The following DARS1 variants were observed in gnomAD, a reference collection of about 807,000 sequenced individuals.
DARS1 encodes aspartyl-tRNA synthetase 1.
Under a neutral mutation model 68.8 loss-of-function variants are expected in DARS1, and 51 were observed. The ratio of observed to expected loss-of-function variants is 0.74; its 90% CI spans 0.59 to 0.94. The LOEUF is 0.94. Ranked by LOEUF, DARS1 falls within the 40% of genes least tolerant of loss-of-function variation. DARS1 has a pLI of 0.00. For missense variants in DARS1, 607 were observed against 597.3 expected, an observed-to-expected ratio of 1.02 and a Z score of -0.17; for synonymous variants, 203 against 190.4, an observed-to-expected ratio of 1.07 and a Z score of -0.55.
chr2:135,975,753 CAA>C (rs1170740469), intron 3 of DARS1, among the ~76,000 whole-genome samples: 25 of 71,670 alleles, frequency 3.5e-4, no homozygotes, highest in Non-Finnish European at 3.6e-4. Context: ...GACCCTGACT[CAA>C]AAAAAAAAAA....
At position 135,973,605 on chromosome 2, in the gene DARS1, A is replaced by C. The variant is rs138859637; in HGVS notation, c.217+5669T>G. ...CGTGGTGGCTCACACCTGTAATCCAAGCACTTTGGGAGGCTGAGGTGGATA... is the reference window on the plus strand; with the variant it reads ...CGTGGTGGCTCACACCTGTAATCCACGCACTTTGGGAGGCTGAGGTGGATA... On this transcript the variant is annotated intron_variant, in intron 3 of 15. Coordinates refer to ENST00000264161, the MANE Select transcript of DARS1 (RefSeq NM_001349.4). Among the ~76,000 whole-genome samples the C allele has an allele frequency of 4.7e-3, 719 of 152,338 alleles. 4 individuals carry two copies. The highest frequency in any genetic ancestry group is 0.012 in the Admixed American group (181 of 15,294).
chr2:135,945,482 A>G (rs983532892), intron 4 of DARS1, among the ~76,000 whole-genome samples: 1 of 152,188 alleles, frequency 6.6e-6, no homozygotes, highest in African/African-American at 2.4e-5. Context: ...TCTAGAAAGA[A>G]GGTGGAATGT....
chr2:135,933,135 T>A (rs1681390770), intron 6 of DARS1, among the ~76,000 whole-genome samples: 2 of 152,194 alleles, frequency 1.3e-5, no homozygotes, highest in African/African-American at 4.8e-5. Flanking sequence ...AACCACCCAC[T>A]TCTTCATTGA....
chr2:135,917,375 A>G (rs760214198), intron 10 of DARS1, among the ~76,000 whole-genome samples: 8 of 152,226 alleles, frequency 5.3e-5, no homozygotes, highest in Non-Finnish European at 1.2e-4. Flanking sequence ...TTTTTCCATA[A>G]TTAACAGACT....
chr2:135,952,704 A>T (rs537412734), intron 4 of DARS1, among the ~76,000 whole-genome samples: 180 of 152,292 alleles, frequency 1.2e-3, no homozygotes, highest in Non-Finnish European at 1.9e-3. Flanking sequence ...ACAAATGACA[A>T]GATTTCACTT....
intron 3 of DARS1, among the ~76,000 whole-genome samples, chr2:135,970,033 T>C (rs1682330159): frequency 6.6e-6 from 1 of 152,162 alleles, no homozygotes; most frequent in Non-Finnish European, 1.5e-5. Context: ...AGTCTTCTTG[T>C]GCTTCCGAAC....
chr2:135,966,999 G>T (rs75732042), intron 3 of DARS1, among the ~76,000 whole-genome samples: 1 of 152,128 alleles, frequency 6.6e-6, no homozygotes, highest in Non-Finnish European at 1.5e-5. Context: ...GAACAAACAT[G>T]GTAGGTAGTT....
chr2:135,958,326 A>T (rs544034398), intron 4 of DARS1, among the ~76,000 whole-genome samples: 1 of 152,362 alleles, frequency 6.6e-6, no homozygotes, highest in Admixed American at 6.5e-5. Flanking sequence ...TCTGCTGCCT[A>T]AACAAGTGAC....
chr2:135,912,688 CAATG>C, intron 12 of DARS1, 122 bp from the exon 13 acceptor site: 1 of 442,180 alleles, frequency 2.3e-6, no homozygotes, highest in East Asian at 3.6e-5. Flanking sequence ...ATTGTATATA[CAATG>C]AATATCTTGC....
chr2:135,953,892 TTTTA>T (rs1681903305), intron 4 of DARS1, among the ~76,000 whole-genome samples: 1 of 151,636 alleles, frequency 6.6e-6, no homozygotes, highest in African/African-American at 2.4e-5. Flanking sequence ...CAGATCCACT[TTTTA>T]TTTATTTTTA....
At chr2:135,925,723 T>C (rs16832200) in intron 7 of DARS1, among the ~76,000 whole-genome samples, 28,814 of 152,160 alleles carry the variant, frequency 0.19, 3,329 homozygotes, top group South Asian at 0.35. Flanking sequence ...ATTTAAACTA[T>C]AGAAAAAGAC....
intron 7 of DARS1, among the ~76,000 whole-genome samples, chr2:135,926,837 A>G (rs1476435026): frequency 1.3e-5 from 2 of 152,146 alleles, no homozygotes; most frequent in African/African-American, 2.4e-5. Context: ...AGAGGAAAAT[A>G]ATGTCCTCAG....
intron 7 of DARS1, among the ~76,000 whole-genome samples, chr2:135,925,244 G>A (rs1409956517): frequency 6.6e-6 from 1 of 152,024 alleles, no homozygotes; most frequent in African/African-American, 2.4e-5. Flanking sequence ...CCACTTCTCT[G>A]GTCAAAAGAA....
At chr2:135,910,964 T>A (rs940705522) in intron 15 of DARS1, 175 bp downstream of exon 15, 33 of 500,592 alleles carry the variant, frequency 6.6e-5, no homozygotes, top group African/African-American at 5.4e-4. Context: ...AGAAAAAAAA[T>A]GGCTAGAACT....
intron 4 of DARS1, among the ~76,000 whole-genome samples, chr2:135,954,325 C>CAAAAAAAAAAAAAAAAAAAA (rs1172207033): frequency 1.2e-5 from 1 of 81,472 alleles, no homozygotes; most frequent in Non-Finnish European, 2.5e-5. Context: ...AAAACAAAAC[C>CAAAAAAAAAAAAAAAAAAAA]AAAAAAAAAA....
At chr2:135,941,198 G>A (rs1448579936) in intron 5 of DARS1, among the ~76,000 whole-genome samples, 1 of 152,186 alleles carries the variant, frequency 6.6e-6, no homozygotes, top group Non-Finnish European at 1.5e-5. Flanking sequence ...AGCCTGCATT[G>A]CGAAGACAAT....
chr2:135,984,107 G>A (rs1196894250), intron 1 of DARS1, among the ~76,000 whole-genome samples: 1 of 152,156 alleles, frequency 6.6e-6, no homozygotes, highest in Non-Finnish European at 1.5e-5. Flanking sequence ...ACAGGAAACA[G>A]AAGACCTAGG....
intron 4 of DARS1, among the ~76,000 whole-genome samples, chr2:135,947,098 T>C (rs1031084082): frequency 9.9e-5 from 15 of 152,042 alleles, no homozygotes; most frequent in African/African-American, 3.6e-4. Flanking sequence ...CTTTTATTTT[T>C]ATAGCTCAAA....
At chr2:135,941,337 C>A (rs552163850) in intron 5 of DARS1, among the ~76,000 whole-genome samples, 144 of 152,168 alleles carry the variant, frequency 9.5e-4, no homozygotes, top group African/African-American at 3.4e-3. Flanking sequence ...CAGAACAGAG[C>A]CCTCAGAAAT....
Sources: gnomAD v4.1 joint callset for allele counts (sites outside exome capture counted in the v4.1 genomes callset) on GRCh38, gnomAD v4.1.1 for gene constraint, MANE v1.5 for transcripts, NCBI Gene and HGNC (gene_info 2026-07-23, HGNC 2026-07-21) for gene names.